The following TCTN1 variants were observed in gnomAD, a reference collection of about 807,000 sequenced individuals.
The protein encoded by TCTN1 is tectonic-1.
A neutral mutation model predicts 65.8 loss-of-function variants in TCTN1; 58 were observed. That is an observed-to-expected ratio of 0.88 (90% CI 0.71 to 1.10). TCTN1 has a LOEUF of 1.10. Among genes scored for constraint, TCTN1 ranks in the 50% least tolerant of loss-of-function variants. TCTN1 has a pLI of 0.00. For synonymous variants in TCTN1, 273 were observed against 289.1 expected (o/e 0.94, Z 0.57); for missense variants, 645 against 719.4 (o/e 0.90, Z 1.18).
chr12:110,626,763 G>GTTTT (rs1236209029), intron 3 of TCTN1, among the ~76,000 whole-genome samples: 24 of 89,920 alleles, frequency 2.7e-4, no homozygotes, highest in South Asian at 7.2e-4. Flanking sequence ...TGTGTGCGTG[G>GTTTT]TTTTTTTTTT....
intron 6 of TCTN1, 198 bp from the exon 7 acceptor site, chr12:110,636,283 A>T: frequency 2.0e-6 from 1 of 509,364 alleles, no homozygotes. Context: ...TAGAAGGAAA[A>T]CGCAATGTGA....
At position 110,634,671 on chromosome 12, in the gene TCTN1, G is replaced by A. The variant is rs200574241; in HGVS notation, c.714G>A (p.Ala238=). 1.9e-5 allele frequency: 30 copies of A among 1,603,016 alleles called. No individual in the cohort carries two copies. Among genetic ancestry groups the A allele is most frequent in the South Asian group, 5.6e-5 (5 of 88,672 alleles). ...CTTGGGAATGTTAATGATTTCTAGC[G>A]TTTCTGGTGAACCAGGCTGTTAAGT... ...SSLCTDNNPA[A]FLVNQAVKCT... The change falls in exon 6 of 15, where the codon GCG becomes GCA. Residue 238 remains alanine (A), a splice_region_variant and synonymous_variant. Transcript: ENST00000397659.
intron 2 of TCTN1, among the ~76,000 whole-genome samples, chr12:110,621,409 A>G (rs2065421411): frequency 6.6e-6 from 1 of 151,784 alleles, no homozygotes; most frequent in Non-Finnish European, 1.5e-5. Flanking sequence ...GTTGAAAGTC[A>G]TTCTGTTTTC....
rs1043976578 is a variant in TCTN1, at chr12:110,639,069, G to A, written c.844-1314G>A. On this transcript the variant is annotated intron_variant, in intron 7 of 14. Coordinates refer to ENST00000397659, the MANE Select transcript of TCTN1 (RefSeq NM_001082538.3). The surrounding 1 kb of genome is among the most constrained non-coding windows in gnomAD (Gnocchi z 4.9). ...CTTGGTCATGGGAGCAGACACATAA[G>A]GACTGCTTATTTATCTCTAAAATAA... Among the ~76,000 whole-genome samples, 8 of 152,170 alleles carry A rather than the reference G, an allele frequency of 5.3e-5. No homozygotes were observed. Among genetic ancestry groups the A allele is most frequent in the African/African-American group, 1.9e-4 (8 of 41,442 alleles).
At position 110,639,966 on chromosome 12, in the gene TCTN1, G is replaced by A. The variant is rs1215758475; in HGVS notation, c.844-417G>A. Among the ~76,000 whole-genome samples the A allele has an allele frequency of 2.6e-5, 4 of 152,168 alleles. No homozygotes were observed. The highest frequency in any genetic ancestry group is 5.9e-5 in the Non-Finnish European group (4 of 68,024). On this transcript the variant is annotated intron_variant, in intron 7 of 14. Coordinates refer to ENST00000397659, the MANE Select transcript of TCTN1 (RefSeq NM_001082538.3). The surrounding 1 kb of genome is among the most constrained non-coding windows in gnomAD (Gnocchi z 4.9). ...CTTCCATGACTTAGCATGTTTTTAA[G>A]ATTCATCTGTACTGTGGCATGTATT... is the stretch of plus-strand genomic sequence containing the variant.
intron 14 of TCTN1, 102 bp from the exon 15 acceptor site, chr12:110,648,941 C>T (rs1459859071): frequency 7.0e-6 from 3 of 426,830 alleles, no homozygotes; most frequent in African/African-American, 2.1e-5. Context: ...CTGGGTACCC[C>T]TTTTGGGGAA....
At chr12:110,622,089 A>T (rs1187027286) in intron 2 of TCTN1, among the ~76,000 whole-genome samples, 1 of 151,910 alleles carries the variant, frequency 6.6e-6, no homozygotes, top group Non-Finnish European at 1.5e-5. Flanking sequence ...AGGAGCCAAG[A>T]TCGCACCATT....
rs997020860 is a variant in TCTN1, at chr12:110,628,772, C to A, written c.478C>A (p.Pro160Thr). Reference sequence around the variant, plus strand: ...CTGTTTTTTTTAAAAAACAGATAAACCTGCATTATCCTTTATTAATCCAGA... The same window carrying A: ...CTGTTTTTTTTAAAAAACAGATAAAACTGCATTATCCTTTATTAATCCAGA... ...IFCIHITNYK[P>T]ALSFINPEVP... The change falls in exon 4 of 15, where the codon CCT becomes ACT. Residue 160 changes from proline to threonine, a missense_variant. Coordinates refer to ENST00000397659, the MANE Select transcript of TCTN1 (RefSeq NM_001082538.3). 1.3e-6 allele frequency: 2 copies of A among 1,599,370 alleles called. No individual in the cohort carries two copies. Among genetic ancestry groups the A allele is most frequent in the East Asian group, 2.2e-5 (1 of 44,712 alleles).
At chr12:110,627,295 C>T (rs924672724) in intron 3 of TCTN1, among the ~76,000 whole-genome samples, 2 of 151,962 alleles carry the variant, frequency 1.3e-5, no homozygotes, top group African/African-American at 2.4e-5. Flanking sequence ...CAGGGTTTCA[C>T]CATGTTGGCG....
At position 110,626,563 on chromosome 12, in the gene TCTN1, C is replaced by T. The variant is rs145582537; in HGVS notation, c.472+71C>T. On this transcript the variant is annotated intron_variant, in intron 3 of 14. Transcript: ENST00000397659. ...TTCTCAAAGTTATGGAAAAATGTGT[C>T]AGATTTATTTTATAATTATGATTAT... The T allele has an allele frequency of 6.8e-4, 993 of 1,454,682 alleles. 1 individual carries two copies. Among genetic ancestry groups the T allele is most frequent in the Middle Eastern group, 1.9e-3 (9 of 4,664 alleles). 90.1% of individuals were successfully genotyped at this position (1,454,682 alleles called of 1,614,324 possible). A position where few individuals can be genotyped will look rare whatever the true frequency, so the allele number is the denominator to read the frequency against.
At chr12:110,623,349 T>G (rs2065585474) in intron 2 of TCTN1, among the ~76,000 whole-genome samples, 1 of 152,226 alleles carries the variant, frequency 6.6e-6, no homozygotes, top group African/African-American at 2.4e-5. Flanking sequence ...CTGTCTGATT[T>G]CTACTTATCC....
At chr12:110,619,740 T>A (rs751766815) in intron 1 of TCTN1, 96 bp from the exon 2 acceptor site, 201 of 1,591,260 alleles carry the variant, frequency 1.3e-4, no homozygotes, top group Non-Finnish European at 1.6e-4. Flanking sequence ...AATGGATCTT[T>A]TTTATGAAAT....
At chr12:110,618,811 TAGAG>T (rs1305667758) in intron 1 of TCTN1, among the ~76,000 whole-genome samples, 3 of 152,268 alleles carry the variant, frequency 2.0e-5, no homozygotes, top group South Asian at 4.1e-4. Context: ...CAGAATAAGA[TAGAG>T]AATTAAAAAT....
chr12:110,645,175 C>G (rs775031893), intron 12 of TCTN1, 46 bp downstream of exon 12: 1 of 1,609,446 alleles, frequency 6.2e-7, no homozygotes, highest in South Asian at 1.1e-5. Context: ...TCTCTGTCTT[C>G]CAGGTGGTGT....
In TCTN1 at chr12:110,614,224, G is replaced by C; in HGVS notation, c.42G>C (p.Leu14=). The change falls in exon 1 of 15, where the codon CTG becomes CTC. Residue 14 remains leucine (L), a synonymous_variant. Transcript: ENST00000397659. The part of the protein sequence containing the change: ...RGLPPLLVVL[L]GCWASVSAQT... ...TCCCGCCGCTCCTGGTGGTGCTCCT[G>C]GGCTGCTGGGCCTCCGTGAGCGCCC... 6.3e-7 allele frequency: 1 copy of C among 1,586,710 alleles called. No individual in the cohort carries two copies. The highest frequency in any genetic ancestry group is 2.3e-5 in the East Asian group (1 of 43,892).
intron 3 of TCTN1, among the ~76,000 whole-genome samples, chr12:110,628,384 A>C (rs1014215211): frequency 4.7e-5 from 7 of 149,328 alleles, no homozygotes; most frequent in African/African-American, 1.7e-4. Flanking sequence ...TGTGTCACCC[A>C]GGCTGGAGTG....
At chr12:110,635,758 AT>A (rs2066528558) in intron 6 of TCTN1, 1 of 152,274 alleles carries the variant, frequency 6.6e-6, no homozygotes, top group African/African-American at 2.4e-5. Flanking sequence ...TGGCACCATT[AT>A]TTATCTGGAC....
chr12:110,636,432 TTC>T, intron 6 of TCTN1, 47 bp from the exon 7 acceptor site: 1 of 1,252,504 alleles, frequency 8.0e-7, no homozygotes, highest in African/African-American at 1.5e-5. Flanking sequence ...ATGAAAATAC[TTC>T]TTTTTGTTGT....
intron 4 of TCTN1, chr12:110,629,407 AC>A (rs2066073320): frequency 6.4e-6 from 1 of 155,444 alleles, no homozygotes; most frequent in African/African-American, 2.4e-5. Flanking sequence ...CAAGAAAAAA[AC>A]AACCCCATCA....
Sources: allele counts gnomAD v4.1 joint callset (sites outside exome capture counted in the v4.1 genomes callset), GRCh38; gene constraint gnomAD v4.1.1; non-coding constraint Gnocchi (gnomAD v3.1); transcripts MANE v1.5; gene names NCBI Gene and HGNC (gene_info 2026-07-23, HGNC 2026-07-21).